Variants in ALG14 observed in about 807,000 individuals in gnomAD.
ALG14 encodes ALG14 UDP-N-acetylglucosaminyltransferase subunit, also known as UDP-N-acetylglucosamine transferase subunit ALG14.
In ALG14, 17 loss-of-function variants were observed where a neutral mutation model predicts 22.8. The observed-to-expected ratio is 0.75, with a 90% CI of 0.51 to 1.12. The LOEUF (loss-of-function observed/expected upper bound fraction) is 1.12. Ranked by LOEUF, ALG14 falls within the 50% of genes most tolerant of loss-of-function variation. The pLI is 0.00. For synonymous variants in ALG14, 89 were observed against 103.7 expected (o/e 0.86, Z 0.86); for missense variants, 288 against 271.8 (o/e 1.06, Z -0.42).
intron 2 of ALG14, among the ~76,000 whole-genome samples, chr1:95,038,986 T>G (rs1674296542): frequency 6.6e-6 from 1 of 152,166 alleles, no homozygotes; most frequent in African/African-American, 2.4e-5. Context: ...CCTCCCAAAT[T>G]GTTGGGATTA....
At chr1:95,008,520 T>C (rs1673277705) in intron 3 of ALG14, among the ~76,000 whole-genome samples, 1 of 152,202 alleles carries the variant, frequency 6.6e-6, no homozygotes, top group African/African-American at 2.4e-5. Flanking sequence ...TAAGGTTAGC[T>C]TTAGTATGAT....
Position 95,003,057 on chromosome 1 carries a change from G to C in ALG14, c.421-19751C>G, listed in dbSNP as rs552198126. Among the ~76,000 whole-genome samples, 18 of 152,316 alleles carry C rather than the reference G, an allele frequency of 1.2e-4. No homozygotes were observed. In the South Asian group the frequency reaches 2.7e-3, roughly 23 times the overall value. On this transcript the variant is annotated intron_variant, in intron 3 of 3. Coordinates refer to ENST00000370205, the MANE Select transcript of ALG14 (RefSeq NM_144988.4). ...AAAACAGTGAAATCAGAGCGTTCCAGTTCACGGAGATTAAATGTCAGGCTT... is the reference window on the plus strand; with the variant it reads ...AAAACAGTGAAATCAGAGCGTTCCACTTCACGGAGATTAAATGTCAGGCTT...
chr1:94,995,634 A>G (rs1672891381), intron 3 of ALG14, among the ~76,000 whole-genome samples: 1 of 152,178 alleles, frequency 6.6e-6, no homozygotes, highest in Non-Finnish European at 1.5e-5. Flanking sequence ...AACTGCTTGG[A>G]CCTGGCGGGG....
chr1:95,071,209 C>A (rs1384052961), intron 1 of ALG14, among the ~76,000 whole-genome samples: 1 of 152,112 alleles, frequency 6.6e-6, no homozygotes, highest in Non-Finnish European at 1.5e-5. Flanking sequence ...GTGGTCTTAA[C>A]CCCTACATGA....
In ALG14 at chr1:95,043,559, T is replaced by G. The variant is rs554292504; in HGVS notation, c.289-16299A>C. On this transcript the variant is annotated intron_variant, in intron 2 of 3. Transcript: ENST00000370205. Reference sequence around the variant, plus strand: ...GCTCTCTACCGCCTCTACTGAGAACTAGTGCAGGTCAGCGGCTAAATGATC... The same window carrying G: ...GCTCTCTACCGCCTCTACTGAGAACGAGTGCAGGTCAGCGGCTAAATGATC... 5.3e-5 allele frequency among the ~76,000 whole-genome samples: 8 copies of G among 152,282 alleles called. No homozygotes were observed. In the East Asian group the frequency reaches 1.5e-3, roughly 29 times the overall value.
chr1:94,980,078 A>T lies in ALG14; in HGVS notation c.*2998T>A, dbSNP rs1012776332. On this transcript the variant is annotated 3_prime_UTR_variant, in exon 4 of 4. Coordinates refer to ENST00000370205, the MANE Select transcript of ALG14 (RefSeq NM_144988.4). ...TTTTCAGAAAAAAAAAAAAGCACTCATTCAACCCAAGGAACTGTATAGTAA... is the reference window on the plus strand; with the variant it reads ...TTTTCAGAAAAAAAAAAAAGCACTCTTTCAACCCAAGGAACTGTATAGTAA... 6.6e-6 allele frequency: 1 copy of T among 151,122 alleles called. No individual in the cohort carries two copies. Among genetic ancestry groups the T allele is most frequent in the African/African-American group, 2.4e-5 (1 of 41,070 alleles). 9.4% of individuals were successfully genotyped at this position (151,122 alleles called of 1,614,324 possible).
chr1:95,072,704 T>C (rs1675609486), intron 1 of ALG14, 59 bp downstream of exon 1: 1 of 1,583,500 alleles, frequency 6.3e-7, no homozygotes, highest in Non-Finnish European at 8.6e-7. Flanking sequence ...AGCGTCGCGG[T>C]GCACTCTGGG....
At chr1:94,995,120 A>C (rs1406544662) in intron 3 of ALG14, among the ~76,000 whole-genome samples, 2 of 152,206 alleles carry the variant, frequency 1.3e-5, no homozygotes, top group South Asian at 2.1e-4. Flanking sequence ...TGCTGAACTG[A>C]AAACTGGTCA....
intron 3 of ALG14, among the ~76,000 whole-genome samples, chr1:95,008,511 A>G (rs1319724829): frequency 1.3e-5 from 2 of 152,194 alleles, no homozygotes; most frequent in South Asian, 2.1e-4. Context: ...CAATTTTTAT[A>G]AGGTTAGCTT....
chr1:94,994,700 T>C (rs12076529), intron 3 of ALG14, among the ~76,000 whole-genome samples: 122 of 152,336 alleles, frequency 8.0e-4, no homozygotes, highest in African/African-American at 2.8e-3. Flanking sequence ...TCTACCATAC[T>C]GGCCTGGCTG....
At chr1:94,990,979 A>C (rs572779429) in intron 3 of ALG14, among the ~76,000 whole-genome samples, 1 of 152,360 alleles carries the variant, frequency 6.6e-6, no homozygotes, top group South Asian at 2.1e-4. Flanking sequence ...GACATAATTC[A>C]TCAAGAGGCT....
intron 3 of ALG14, among the ~76,000 whole-genome samples, chr1:94,985,824 A>G (rs1296599166): frequency 6.6e-6 from 1 of 152,152 alleles, no homozygotes; most frequent in African/African-American, 2.4e-5. Flanking sequence ...TTGCATCCGT[A>G]TATTTGGAAG....
intron 2 of ALG14, among the ~76,000 whole-genome samples, chr1:95,032,958 C>A (rs1403587934): frequency 2.0e-5 from 3 of 152,158 alleles, no homozygotes; most frequent in African/African-American, 7.2e-5. Context: ...GGCTTATATT[C>A]TGGTCTTAAA....
At chr1:95,050,862 ATT>A (rs34383912) in intron 2 of ALG14, among the ~76,000 whole-genome samples, 156 of 131,888 alleles carry the variant, frequency 1.2e-3, no homozygotes, top group Admixed American at 3.4e-3. Context: ...TCCCTGGGTA[ATT>A]TTTTTTTTTT....
intron 3 of ALG14, among the ~76,000 whole-genome samples, chr1:95,013,328 TTTTGA>T (rs1422712495): frequency 6.6e-6 from 1 of 151,896 alleles, no homozygotes; most frequent in Non-Finnish European, 1.5e-5. Flanking sequence ...CCTGCTCTTG[TTTTGA>T]TTTATTTATT....
At chr1:95,044,833 C>A (rs2100803444) in intron 2 of ALG14, among the ~76,000 whole-genome samples, 1 of 151,834 alleles carries the variant, frequency 6.6e-6, no homozygotes, top group South Asian at 2.1e-4. Flanking sequence ...TATTGCCTGG[C>A]AAATGGAAAG....
At chr1:95,001,232 G>A (rs944358258) in intron 3 of ALG14, among the ~76,000 whole-genome samples, 3 of 152,208 alleles carry the variant, frequency 2.0e-5, no homozygotes, top group African/African-American at 7.2e-5. Flanking sequence ...CCTGATCAGT[G>A]AGTTTAGGAG....
intron 3 of ALG14, among the ~76,000 whole-genome samples, chr1:94,999,845 C>T (rs1226087378): frequency 6.6e-6 from 1 of 152,188 alleles, no homozygotes; most frequent in Non-Finnish European, 1.5e-5. Flanking sequence ...GCTAATTTTA[C>T]TCAGAAAGCC....
intron 3 of ALG14, among the ~76,000 whole-genome samples, chr1:95,006,901 C>T (rs540551671): frequency 6.6e-6 from 1 of 152,364 alleles, no homozygotes; most frequent in Middle Eastern, 3.4e-3. Context: ...TTTCATATTT[C>T]CTCACCATCT....
Sources: gnomAD v4.1 joint callset for allele counts (sites outside exome capture counted in the v4.1 genomes callset) on GRCh38, gnomAD v4.1.1 for gene constraint, MANE v1.5 for transcripts, NCBI Gene and HGNC (gene_info 2026-07-23, HGNC 2026-07-21) for gene names.